CABLES1: variants seen among roughly 807,000 people sequenced by gnomAD.
CABLES1 encodes Cdk5 and Abl enzyme substrate 1, also known as CDK5 and ABL1 enzyme substrate 1.
CABLES1 carries 36 observed loss-of-function variants against 57.8 expected under a neutral mutation model. That is an observed-to-expected ratio of 0.62 (90% CI 0.48 to 0.82). CABLES1 has a LOEUF of 0.82. Ranked by LOEUF, CABLES1 falls within the 40% of genes least tolerant of loss-of-function variation. The probability of loss-of-function intolerance (pLI) is 0.00; values close to 1 mark genes in which losing one functional copy is unlikely to be tolerated. For synonymous variants in CABLES1, 374 were observed against 363.0 expected (o/e 1.03, Z -0.35); for missense variants, 767 against 836.6 (o/e 0.92, Z 1.03).
rs376493835 is a variant in CABLES1 at position 23,136,533 on chromosome 18, G to T, written c.771G>T (p.Ser257=). 48 of 1,584,478 alleles carry T rather than the reference G, an allele frequency of 3.0e-5. No individual in the cohort carries two copies. Among genetic ancestry groups the T allele is most frequent in the Non-Finnish European group, 4.1e-5 (48 of 1,172,866 alleles). ...ILPIAFSRPT[S]QNYCSLEQPG... is the part of the protein sequence containing the mutation. ...CCATCGCCTTCTCCAGGCCGACTTCGCAGAACTACTGCTCCCTGGAGCAGC... is the reference window on the plus strand; with the variant it reads ...CCATCGCCTTCTCCAGGCCGACTTCTCAGAACTACTGCTCCCTGGAGCAGC... The change falls in exon 1 of 10, where the codon TCG becomes TCT. Residue 257 remains serine (S), a synonymous_variant. Coordinates refer to ENST00000256925, the MANE Select transcript of CABLES1 (RefSeq NM_001100619.3).
Position 23,215,911 on chromosome 18 carries a change from G to A in CABLES1, c.1088+1857G>A, listed in dbSNP as rs570272658. 1.3e-3 allele frequency among the ~76,000 whole-genome samples: 202 copies of A among 152,076 alleles called. 2 individuals carry two copies. The highest frequency in any genetic ancestry group is 4.8e-3 in the South Asian group (23 of 4,798). The stretch of plus-strand genomic sequence containing the variant: ...TGGGACTGCAGGCGCCTGCCACCAT[G>A]CCAGGCTAAATTTTTTGTATTTTTA... On this transcript the variant is annotated intron_variant, in intron 4 of 9. Coordinates refer to ENST00000256925, the MANE Select transcript of CABLES1 (RefSeq NM_001100619.3).
At chr18:23,184,062 C>G (rs986906013) in intron 1 of CABLES1, among the ~76,000 whole-genome samples, 5 of 152,092 alleles carry the variant, frequency 3.3e-5, no homozygotes, top group African/African-American at 9.7e-5. Context: ...TCATCTTTGG[C>G]TGGAAGGGCA....
At chr18:23,236,108 T>C in intron 6 of CABLES1, 57 bp downstream of exon 6, 1 of 1,571,500 alleles carries the variant, frequency 6.4e-7, no homozygotes, top group Non-Finnish European at 8.7e-7. Context: ...TGCCTCCATT[T>C]ACATGGGGAT....
intron 4 of CABLES1, among the ~76,000 whole-genome samples, chr18:23,223,637 A>G (rs1044880411): frequency 2.7e-5 from 4 of 150,046 alleles, no homozygotes; most frequent in African/African-American, 9.8e-5. Context: ...TCGGTTCTGT[A>G]GAGAGTGGGA....
At chr18:23,250,572 T>C (rs1206620045) in intron 7 of CABLES1, among the ~76,000 whole-genome samples, 2 of 152,212 alleles carry the variant, frequency 1.3e-5, no homozygotes, top group East Asian at 1.9e-4. Flanking sequence ...GAAATAAACC[T>C]GTCTTGGAGG....
intron 7 of CABLES1, among the ~76,000 whole-genome samples, chr18:23,243,476 T>G (rs28605205): frequency 4.0e-5 from 6 of 149,924 alleles, no homozygotes; most frequent in East Asian, 1.9e-4. Context: ...GTGTTTTTTT[T>G]TTTTTTTTTT....
At chr18:23,170,191 A>G (rs2047072450) in intron 1 of CABLES1, among the ~76,000 whole-genome samples, 1 of 152,232 alleles carries the variant, frequency 6.6e-6, no homozygotes, top group South Asian at 2.1e-4. Flanking sequence ...GAGTCAGCAT[A>G]GTACTCATGT....
At chr18:23,207,868 C>T (rs1228988284) in intron 3 of CABLES1, among the ~76,000 whole-genome samples, 1 of 152,114 alleles carries the variant, frequency 6.6e-6, no homozygotes, top group Non-Finnish European at 1.5e-5. Flanking sequence ...AGGTGGCAGT[C>T]ATAGTCATGA....
rs558230302 is a variant in CABLES1 at position 23,148,091 on chromosome 18, G to A, written c.845+11484G>A. On this transcript the variant is annotated intron_variant, in intron 1 of 9. Coordinates refer to ENST00000256925, the MANE Select transcript of CABLES1 (RefSeq NM_001100619.3). ...TGCAGGCTCCGCCTCCTGGATTCAC[G>A]CCATTCTGCTGCCTCAGCCTCCCGA... Among the ~76,000 whole-genome samples, 169 of 143,550 alleles carry A rather than the reference G, an allele frequency of 1.2e-3. 2 individuals are homozygous for A. The highest frequency in any genetic ancestry group is 4.1e-3 in the African/African-American group (157 of 38,486). 94.2% of individuals were successfully genotyped at this position (143,550 alleles called of 152,430 possible).
At chr18:23,219,603 T>G (rs1269016995) in intron 4 of CABLES1, among the ~76,000 whole-genome samples, 1 of 152,150 alleles carries the variant, frequency 6.6e-6, no homozygotes, top group Non-Finnish European at 1.5e-5. Context: ...TCCAGACCAC[T>G]GTAGTGAGGG....
intron 4 of CABLES1, among the ~76,000 whole-genome samples, chr18:23,230,893 G>A (rs1363593951): frequency 6.6e-6 from 1 of 152,138 alleles, no homozygotes; most frequent in Non-Finnish European, 1.5e-5. Flanking sequence ...CACCCGCCCC[G>A]TGACCCCTCC....
At chr18:23,192,499 G>T (rs1482065734) in intron 2 of CABLES1, among the ~76,000 whole-genome samples, 1 of 152,194 alleles carries the variant, frequency 6.6e-6, no homozygotes, top group Non-Finnish European at 1.5e-5. Context: ...CCTGCAGCTG[G>T]GAGGTGGGAG....
chr18:23,253,230 C>A (rs2048082720), intron 8 of CABLES1, among the ~76,000 whole-genome samples, 164 bp downstream of exon 8: 1 of 152,200 alleles, frequency 6.6e-6, no homozygotes, highest in Non-Finnish European at 1.5e-5. Flanking sequence ...CACCTGTAAT[C>A]CCAGCACTTT....
intron 7 of CABLES1, among the ~76,000 whole-genome samples, chr18:23,250,273 C>T (rs940607502): frequency 6.6e-6 from 1 of 152,200 alleles, no homozygotes; most frequent in Admixed American, 6.5e-5. Context: ...TCATTGCAAA[C>T]CTCATGACTT....
intron 1 of CABLES1, among the ~76,000 whole-genome samples, chr18:23,152,248 C>T (rs774131566): frequency 2.0e-5 from 3 of 152,048 alleles, no homozygotes; most frequent in African/African-American, 7.2e-5. Flanking sequence ...AATGAATGAG[C>T]TAAAATGCTA....
chr18:23,215,071 G>A (rs968816466), intron 4 of CABLES1, among the ~76,000 whole-genome samples: 8 of 152,204 alleles, frequency 5.3e-5, no homozygotes, highest in African/African-American at 1.9e-4. Flanking sequence ...TGAGATGTGT[G>A]CCTTAAGGAG....
intron 1 of CABLES1, among the ~76,000 whole-genome samples, chr18:23,153,231 G>T (rs779458516): frequency 1.3e-5 from 2 of 151,872 alleles, no homozygotes; most frequent in Non-Finnish European, 2.9e-5. Context: ...AAATAGCTGG[G>T]CCTACGGGCA....
At chr18:23,239,634 G>A (rs2047686372) in intron 7 of CABLES1, among the ~76,000 whole-genome samples, 1 of 152,192 alleles carries the variant, frequency 6.6e-6, no homozygotes, top group African/African-American at 2.4e-5. Context: ...TTGGGGAACA[G>A]GTATAGAATT....
chr18:23,171,243 C>T (rs984930292), intron 1 of CABLES1, among the ~76,000 whole-genome samples: 1 of 152,172 alleles, frequency 6.6e-6, no homozygotes, highest in Non-Finnish European at 1.5e-5. Context: ...AGTCAGTGCG[C>T]CTTTGTTTTA....
Sources: gnomAD v4.1 joint callset for allele counts (sites outside exome capture counted in the v4.1 genomes callset) on GRCh38, gnomAD v4.1.1 for gene constraint, MANE v1.5 for transcripts, NCBI Gene and HGNC (gene_info 2026-07-23, HGNC 2026-07-21) for gene names.